Variants in LATS2 observed in about 807,000 individuals in gnomAD.
LATS2 encodes serine/threonine-protein kinase LATS2.
LATS2 carries 24 observed loss-of-function variants against 76.0 expected under a neutral mutation model. That is an observed-to-expected ratio of 0.32 (90% confidence interval 0.23 to 0.44). LATS2 has a LOEUF of 0.44. Ranked by LOEUF, LATS2 falls within the 20% of genes least tolerant of loss-of-function variation. The probability of loss-of-function intolerance (pLI) is 1.00; values close to 1 mark genes in which losing one functional copy is unlikely to be tolerated. For missense variants in LATS2, 1,286 were observed against 1,481.2 expected, an observed-to-expected ratio of 0.87 and a Z score of 2.16; for synonymous variants, 692 against 635.4, an observed-to-expected ratio of 1.09 and a Z score of -1.34.
chr13:20,991,519 G>A lies in LATS2; in HGVS notation c.343-115C>T. ...TGGGACACTTCGCCTCTGTACTGCT[G>A]AGAACCTGCGATATGCTGCAGGAGA... On this transcript the variant is annotated intron_variant, in intron 2 of 7. Coordinates refer to ENST00000382592, the MANE Select transcript of LATS2 (RefSeq NM_014572.3). This position sits in a 1 kb window ranked among gnomAD's most constrained non-coding sequence, Gnocchi z 4.9. 1 of 1,164,300 alleles carries A rather than the reference G, an allele frequency of 8.6e-7. No homozygotes were observed. The allele number at this position is 1,164,300 out of a possible 1,614,324, so 72.1% of individuals were successfully genotyped here. A position where few individuals can be genotyped will look rare whatever the true frequency, so the allele number is the denominator to read the frequency against.
In LATS2 at chr13:20,988,830, T is replaced by G; in HGVS notation, c.950A>C (p.His317Pro). The change falls in exon 4 of 8, where the codon CAC (histidine) becomes CCC (proline). Residue 317 changes from histidine to proline, a missense_variant. Around this residue, in one of 5 missense-constraint regions of LATS2, gnomAD observed 710 missense variants for 660.9 expected, o/e 1.07. Coordinates refer to ENST00000382592, the MANE Select transcript of LATS2 (RefSeq NM_014572.3). Reference protein sequence around the residue: ...PAAGLYVPHPHHKQAGPAAHQ... With the variant: ...PAAGLYVPHPPHKQAGPAAHQ... ...GGCCGCGGGACCGGCCTGCTTGTGG[T>G]GTGGGTGCGGCACGTAGAGCCCGGC... is the stretch of plus-strand genomic sequence containing the variant. The G allele has an allele frequency of 6.3e-7, 1 of 1,596,886 alleles. No individual in the cohort carries two copies. The highest frequency in any genetic ancestry group is 8.5e-7 in the Non-Finnish European group (1 of 1,177,516).
chr13:21,045,959 C>T lies in LATS2; in HGVS notation c.68G>A (p.Arg23His). The change falls in exon 2 of 8, where the codon CGT (arginine) becomes CAT (histidine). Residue 23 changes from arginine (R) to histidine (H), a missense_variant. Arg to His is a conservative substitution (Grantham distance 29). Coordinates refer to ENST00000382592, the MANE Select transcript of LATS2 (RefSeq NM_014572.3). ...GNSRQRLQEI[R>H]EGLKQPSKSS... is the part of the protein sequence containing the mutation. ...CTTGGATGGCTGTTTTAACCCCTCA[C>T]GAATCTCTTGCAGTCGCTGCCGGCT... 4 of 1,614,144 alleles carry T rather than the reference C, an allele frequency of 2.5e-6. No homozygotes were observed. The highest frequency in any genetic ancestry group is 2.2e-5 in the South Asian group (2 of 91,076).
At chr13:20,982,680 C>A (rs2138273379) in intron 5 of LATS2, among the ~76,000 whole-genome samples, 1 of 152,152 alleles carries the variant, frequency 6.6e-6, no homozygotes, top group Non-Finnish European at 1.5e-5. Flanking sequence ...CCCGTGACAC[C>A]TTGTAGCCTA....
intron 7 of LATS2, among the ~76,000 whole-genome samples, chr13:20,978,912 C>CT (rs1418791930): frequency 6.6e-6 from 1 of 152,132 alleles, no homozygotes; most frequent in Admixed American, 6.5e-5. Flanking sequence ...CAGGTGCACA[C>CT]CACCATGATG....
rs1057274284 is a variant in LATS2 at position 20,973,547 on chromosome 13, T to C, written c.*1323A>G. 3.9e-5 allele frequency: 9 copies of C among 232,344 alleles called. No individual in the cohort carries two copies. The highest frequency in any genetic ancestry group is 1.8e-4 in the African/African-American group (8 of 45,252). 14.4% of individuals were successfully genotyped at this position (232,344 alleles called of 1,614,324 possible). ...GTGTGTGTGTGTGTATACACGCACA[T>C]ACATCTATACTTCTAAGAAAATACG... On this transcript the variant is annotated 3_prime_UTR_variant, in exon 8 of 8. Coordinates refer to ENST00000382592, the MANE Select transcript of LATS2 (RefSeq NM_014572.3).
rs1474266172 is a variant in LATS2, at chr13:21,007,553, A to G, written c.343-16149T>C. 1.4e-3 allele frequency among the ~76,000 whole-genome samples: 18 copies of G among 12,774 alleles called. 3 individuals carry two copies. The East Asian group carries it at 0.049, about 35-fold the overall frequency. 8.4% of individuals were successfully genotyped at this position (12,774 alleles called of 152,430 possible). A position where few individuals can be genotyped will look rare whatever the true frequency, so the allele number is the denominator to read the frequency against. On this transcript the variant is annotated intron_variant, in intron 2 of 7. Transcript: ENST00000382592. The stretch of plus-strand genomic sequence containing the variant: ...ATGGATATATATATATAGTATATAT[A>G]TATATATATATATATATATATATAT...
In LATS2 at chr13:21,040,746, G is replaced by A. The variant is rs532012414; in HGVS notation, c.342+4939C>T. Among the ~76,000 whole-genome samples, 30 of 152,218 alleles carry A rather than the reference G, an allele frequency of 2.0e-4. No homozygotes were observed. In the East Asian group the frequency reaches 2.5e-3, roughly 13 times the overall value. ...GTCAGGCTGGCCAGCTGCCAGGGAC[G>A]TGGGGGGCAGCCATGTATGGATGCC... On this transcript the variant is annotated intron_variant, in intron 2 of 7. Transcript: ENST00000382592.
At chr13:21,047,541 T>C (rs997938532) in intron 1 of LATS2, among the ~76,000 whole-genome samples, 2 of 152,118 alleles carry the variant, frequency 1.3e-5, no homozygotes, top group African/African-American at 4.8e-5. Context: ...ATGAGCAGAT[T>C]TCGAAGGATA....
chr13:21,011,139 A>C (rs530723707), intron 2 of LATS2, among the ~76,000 whole-genome samples: 19 of 152,374 alleles, frequency 1.2e-4, no homozygotes, highest in Middle Eastern at 3.4e-3. Flanking sequence ...CATGCCAATT[A>C]ACCATCAAAT....
chr13:21,007,758 A>T (rs79270499), intron 2 of LATS2, among the ~76,000 whole-genome samples: 129 of 5,906 alleles, frequency 0.022, 35 homozygotes, highest in African/African-American at 0.064. Context: ...ATATATATAT[A>T]TATTTTTTTT....
At chr13:21,024,263 T>C (rs1030744586) in intron 2 of LATS2, among the ~76,000 whole-genome samples, 4 of 151,320 alleles carry the variant, frequency 2.6e-5, no homozygotes, top group Non-Finnish European at 2.9e-5. Context: ...GTGAAACCCA[T>C]CTCTACTAAA....
intron 2 of LATS2, among the ~76,000 whole-genome samples, chr13:21,036,690 T>G (rs1872692316): frequency 6.6e-6 from 1 of 152,092 alleles, no homozygotes; most frequent in African/African-American, 2.4e-5. Flanking sequence ...GGAGAATTGC[T>G]TGAACCTGGG....
intron 2 of LATS2, among the ~76,000 whole-genome samples, chr13:21,000,058 A>G (rs1361591818): frequency 6.6e-6 from 1 of 152,160 alleles, no homozygotes; most frequent in Non-Finnish European, 1.5e-5. Flanking sequence ...GCATTTTACA[A>G]CTATTGTTAG....
At chr13:21,014,964 A>G (rs1313720328) in intron 2 of LATS2, among the ~76,000 whole-genome samples, 1 of 152,222 alleles carries the variant, frequency 6.6e-6, no homozygotes, top group Non-Finnish European at 1.5e-5. Flanking sequence ...ATGAGCCTCA[A>G]CTGTGAGCTC....
rs1331702820 is a variant in LATS2, at chr13:20,987,921, T to C, written c.1859A>G (p.Lys620Arg). The change falls in exon 4 of 8, where the codon AAG becomes AGG. Residue 620 changes from lysine (K) to arginine (R), a missense_variant. By Grantham distance (26) the Lys-to-Arg change is conservative (BLOSUM62 2). Transcript: ENST00000382592. Reference protein sequence around the residue: ...VENVIKTYQQKVNRRLQLEQE... With the variant: ...VENVIKTYQQRVNRRLQLEQE... ...CTCCAGCTGCAGCCTCCGGTTAACC[T>C]TCTGCTGGTAGGTTTTGATGACATT... 1 of 1,613,914 alleles carries C rather than the reference T, an allele frequency of 6.2e-7. No individual in the cohort carries two copies. The highest frequency in any genetic ancestry group is 8.5e-7 in the Non-Finnish European group (1 of 1,179,900).
At chr13:20,980,116 C>A (rs1042976918) in intron 6 of LATS2, among the ~76,000 whole-genome samples, 1 of 152,130 alleles carries the variant, frequency 6.6e-6, no homozygotes, top group Non-Finnish European at 1.5e-5. Context: ...CAAACAGAGG[C>A]ACCAATTAAA....
In LATS2 at chr13:20,975,128, G is replaced by T. The variant is rs779228067; in HGVS notation, c.3009C>A (p.Asp1003Glu). ...TCCAAGGGCTTTCTTCATCTACGGGGTCGAAATTCGAGGTGTCCATGGGGT... is the reference window on the plus strand; with the variant it reads ...TCCAAGGGCTTTCTTCATCTACGGGTTCGAAATTCGAGGTGTCCATGGGGT... ...ISHPMDTSNF[D>E]PVDEESPWND... The change falls in exon 8 of 8, where the codon GAC becomes GAA. Residue 1003 changes from aspartate (D) to glutamate (E), a missense_variant. Physicochemically the swap from Asp to Glu is conservative, Grantham distance 45 (BLOSUM62 2). Coordinates refer to ENST00000382592, the MANE Select transcript of LATS2 (RefSeq NM_014572.3). 1 of 1,614,196 alleles carries T rather than the reference G, an allele frequency of 6.2e-7. No homozygotes were observed. Among genetic ancestry groups the T allele is most frequent in the Non-Finnish European group, 8.5e-7 (1 of 1,180,032 alleles).
At chr13:20,993,400 A>T (rs610312) in intron 2 of LATS2, among the ~76,000 whole-genome samples, 2 of 152,070 alleles carry the variant, frequency 1.3e-5, no homozygotes, top group Non-Finnish European at 2.9e-5. Context: ...AGTCCTGGCC[A>T]TATGCCAGCA....
At chr13:21,055,125 T>C (rs1212651926) in intron 1 of LATS2, among the ~76,000 whole-genome samples, 2 of 152,264 alleles carry the variant, frequency 1.3e-5, no homozygotes, top group East Asian at 3.8e-4. Flanking sequence ...TTGAAGACAG[T>C]TGATTTCATG....
Sources: gnomAD v4.1 joint callset for allele counts (sites outside exome capture counted in the v4.1 genomes callset) on GRCh38, gnomAD v4.1.1 for gene constraint, gnomAD v4.1.1 regional missense constraint, Gnocchi (gnomAD v3.1) non-coding constraint, MANE v1.5 for transcripts, NCBI Gene and HGNC (gene_info 2026-07-23, HGNC 2026-07-21) for gene names.